Variants in SOCS6 observed in about 807,000 individuals in gnomAD.
SOCS6 encodes the protein suppressor of cytokine signaling 6.
Under a neutral mutation model 27.7 loss-of-function variants are expected in SOCS6, and 5 were observed. The ratio of observed to expected loss-of-function variants is 0.18; its 90% CI spans 0.09 to 0.38. The LOEUF (loss-of-function observed/expected upper bound fraction) is 0.38. SOCS6 is among the 10% of genes least tolerant of loss of function. The probability of loss-of-function intolerance (pLI) is 1.00; values close to 1 mark genes in which losing one functional copy is unlikely to be tolerated. For synonymous variants in SOCS6, 271 were observed against 260.0 expected (o/e 1.04, Z -0.41); for missense variants, 595 against 688.1 (o/e 0.86, Z 1.51).
chr18:70,303,927 G>C (rs2062358623), intron 1 of SOCS6, among the ~76,000 whole-genome samples: 1 of 152,082 alleles, frequency 6.6e-6, no homozygotes, highest in Admixed American at 6.6e-5. Flanking sequence ...TTCTTGTGAG[G>C]GTTAATATTT....
At chr18:70,305,953 G>C (rs983989841) in intron 1 of SOCS6, among the ~76,000 whole-genome samples, 4 of 151,958 alleles carry the variant, frequency 2.6e-5, no homozygotes, top group Non-Finnish European at 5.9e-5. Flanking sequence ...GATTTTGTCA[G>C]CTGGCCAGGC....
chr18:70,312,495 A>G (rs185283924), intron 1 of SOCS6, among the ~76,000 whole-genome samples: 5 of 152,194 alleles, frequency 3.3e-5, no homozygotes, highest in East Asian at 1.9e-4. Context: ...AGTTTTACCA[A>G]TTTACTTCAA....
intron 1 of SOCS6, among the ~76,000 whole-genome samples, chr18:70,312,294 A>G (rs2062393774): frequency 1.3e-5 from 2 of 152,206 alleles, no homozygotes; most frequent in Non-Finnish European, 2.9e-5. Flanking sequence ...ATATTAGGTC[A>G]ATGATCAAGT....
At chr18:70,305,629 A>C (rs778321777) in intron 1 of SOCS6, among the ~76,000 whole-genome samples, 3 of 152,232 alleles carry the variant, frequency 2.0e-5, no homozygotes, top group African/African-American at 7.2e-5. Flanking sequence ...GATTGTTTGA[A>C]TCTATAGATC....
In SOCS6 at chr18:70,301,480, G is replaced by A. The variant is rs571283941; in HGVS notation, c.-127+12390G>A. ...ATCATTGGAAGAATGTAGAGTAGCC[G>A]GAAATGGAAGTATAGAGAAGATTTA... On this transcript the variant is annotated intron_variant, in intron 1 of 1. Transcript: ENST00000397942. Among the ~76,000 whole-genome samples, 6 of 148,128 alleles carry A rather than the reference G, an allele frequency of 4.1e-5. No individual in the cohort carries two copies. In the East Asian group the frequency reaches 6.0e-4, roughly 15 times the overall value.
At chr18:70,309,417 TA>T (rs989536587) in intron 1 of SOCS6, among the ~76,000 whole-genome samples, 1 of 152,242 alleles carries the variant, frequency 6.6e-6, no homozygotes, top group African/African-American at 2.4e-5. Flanking sequence ...CTATTCTTTT[TA>T]AAATTTATTT....
At chr18:70,301,643 T>C (rs780324021) in intron 1 of SOCS6, among the ~76,000 whole-genome samples, 3 of 151,752 alleles carry the variant, frequency 2.0e-5, no homozygotes, top group Admixed American at 6.6e-5. Context: ...GGTCTGTAAA[T>C]GAAGAGAGAG....
intron 1 of SOCS6, among the ~76,000 whole-genome samples, chr18:70,310,899 C>T (rs1276508725): frequency 6.6e-6 from 1 of 152,096 alleles, no homozygotes; most frequent in African/African-American, 2.4e-5. Context: ...TGACTTTGGG[C>T]AAATTATTAA....
chr18:70,291,519 T>C (rs2062299358), intron 1 of SOCS6, among the ~76,000 whole-genome samples: 1 of 152,192 alleles, frequency 6.6e-6, no homozygotes, highest in Admixed American at 6.5e-5. Context: ...ATCTTTTATT[T>C]TGCTCATAGA....
chr18:70,306,559 C>T (rs1433657454), intron 1 of SOCS6, among the ~76,000 whole-genome samples: 1 of 150,826 alleles, frequency 6.6e-6, no homozygotes, highest in East Asian at 1.9e-4. Context: ...TTATTTCTTC[C>T]TTTCCAATTT....
chr18:70,302,760 A>G (rs1242368687), intron 1 of SOCS6, among the ~76,000 whole-genome samples: 1 of 133,998 alleles, frequency 7.5e-6, no homozygotes, highest in Non-Finnish European at 1.6e-5. Flanking sequence ...GTATATATAT[A>G]TACACCAGTA....
chr18:70,297,586 G>A lies in SOCS6; in HGVS notation c.-127+8496G>A, dbSNP rs577744932. Among the ~76,000 whole-genome samples, 367 of 152,018 alleles carry A rather than the reference G, an allele frequency of 2.4e-3. 1 individual carries two copies. Among genetic ancestry groups the A allele is most frequent in the Non-Finnish European group, 4.1e-3 (280 of 67,930 alleles). On this transcript the variant is annotated intron_variant, in intron 1 of 1. Coordinates refer to ENST00000397942, the MANE Select transcript of SOCS6 (RefSeq NM_004232.4). ...TATTTTAATTTGGACTATTTTAAAA[G>A]CATCAAGAGATCGCATCTTTGGGAA...
intron 1 of SOCS6, among the ~76,000 whole-genome samples, chr18:70,295,629 T>G (rs1421723085): frequency 6.6e-6 from 1 of 152,232 alleles, no homozygotes; most frequent in Non-Finnish European, 1.5e-5. Flanking sequence ...GAAATAACAT[T>G]ATTGCCAAAT....
At chr18:70,296,602 G>A (rs929943154) in intron 1 of SOCS6, 1 of 152,210 alleles carries the variant, frequency 6.6e-6, no homozygotes, top group African/African-American at 2.4e-5. Context: ...GTTTCCTCTT[G>A]GAATATTGCA....
chr18:70,315,195 A>G (rs967468951), intron 1 of SOCS6, among the ~76,000 whole-genome samples: 6 of 152,066 alleles, frequency 3.9e-5, no homozygotes, highest in African/African-American at 1.4e-4. Context: ...TGGTATCAGT[A>G]TACTTTTGAC....
chr18:70,326,023 C>G lies in SOCS6; in HGVS notation c.1355C>G (p.Thr452Arg). 6.2e-7 allele frequency: 1 copy of G among 1,614,172 alleles called. No homozygotes were observed. Among genetic ancestry groups the G allele is most frequent in the Non-Finnish European group, 8.5e-7 (1 of 1,179,982 alleles). The change falls in exon 2 of 2, where the codon ACG (threonine) becomes AGG (arginine). Residue 452 changes from threonine to arginine, a missense_variant. Physicochemically the swap from Thr to Arg is moderately conservative, Grantham distance 71 (BLOSUM62 -1). Around this residue, in one of 2 missense-constraint regions of SOCS6, gnomAD observed 128 missense variants for 207.0 expected, o/e 0.62. Transcript: ENST00000397942. ...GAACAGCCAGATGTGGAAGGACATACGTCCATAGTTGATCTAATTGAGCAT... is the reference window on the plus strand; with the variant it reads ...GAACAGCCAGATGTGGAAGGACATAGGTCCATAGTTGATCTAATTGAGCAT... ...FYEQPDVEGH[T>R]SIVDLIEHSI...
At chr18:70,313,463 A>G (rs1038722045) in intron 1 of SOCS6, among the ~76,000 whole-genome samples, 3 of 152,094 alleles carry the variant, frequency 2.0e-5, no homozygotes, top group Non-Finnish European at 4.4e-5. Context: ...TCTGCAGTGC[A>G]AGCCTTCTAA....
chr18:70,296,435 C>T (rs182022233), intron 1 of SOCS6, among the ~76,000 whole-genome samples: 2 of 152,322 alleles, frequency 1.3e-5, no homozygotes, highest in Admixed American at 1.3e-4. Context: ...CCTACAGTTC[C>T]TGTCTGTTGT....
intron 1 of SOCS6, among the ~76,000 whole-genome samples, chr18:70,321,944 C>G (rs1042683690): frequency 6.6e-6 from 1 of 152,052 alleles, no homozygotes; most frequent in Non-Finnish European, 1.5e-5. Flanking sequence ...GATAATAAAG[C>G]TGTTTTGTTT....
Sources: allele counts gnomAD v4.1 joint callset (sites outside exome capture counted in the v4.1 genomes callset), GRCh38; gene constraint gnomAD v4.1.1; regional missense constraint gnomAD v4.1.1; transcripts MANE v1.5; gene names NCBI Gene and HGNC (gene_info 2026-07-23, HGNC 2026-07-21).